The following TBX5 variants were observed in gnomAD, a reference collection of about 807,000 sequenced individuals.
TBX5 encodes the protein T-box transcription factor 5, also known as T-box transcription factor TBX5.
A neutral mutation model predicts 51.1 loss-of-function variants in TBX5; 8 were observed. The ratio of observed to expected loss-of-function variants is 0.16; its 90% CI spans 0.09 to 0.28. The LOEUF (loss-of-function observed/expected upper bound fraction) is 0.28, where lower values mean the gene tolerates loss of function less well. TBX5 is among the 10% of genes least tolerant of loss of function. The pLI, the probability that TBX5 is intolerant of heterozygous loss-of-function variation, is 1.00. For missense variants in TBX5, 589 were observed against 671.7 expected, an observed-to-expected ratio of 0.88 and a Z score of 1.36; for synonymous variants, 302 against 266.4, an observed-to-expected ratio of 1.13 and a Z score of -1.30.
chr12:114,378,906 G>C (rs1870354731), intron 7 of TBX5, among the ~76,000 whole-genome samples: 1 of 152,186 alleles, frequency 6.6e-6, no homozygotes, highest in Non-Finnish European at 1.5e-5. Flanking sequence ...TCAACCAAAA[G>C]AATGCAGCAG....
At chr12:114,401,805 C>T in intron 3 of TBX5, 21 bp downstream of exon 3, 1 of 1,613,000 alleles carries the variant, frequency 6.2e-7, no homozygotes, top group Non-Finnish European at 8.5e-7. Context: ...GTCCCTCTCT[C>T]TACACAACAA....
chr12:114,389,669 G>A (rs1038293711), intron 6 of TBX5, among the ~76,000 whole-genome samples: 17 of 141,496 alleles, frequency 1.2e-4, no homozygotes, highest in Non-Finnish European at 2.0e-4. Flanking sequence ...CAGGAGAATG[G>A]CGTGAACCCG....
chr12:114,371,878 G>T (rs12320320), intron 7 of TBX5, among the ~76,000 whole-genome samples: 4 of 152,042 alleles, frequency 2.6e-5, no homozygotes, highest in Non-Finnish European at 5.9e-5. Context: ...CACACCCAAG[G>T]CTGGATTTCG....
intron 5 of TBX5, among the ~76,000 whole-genome samples, chr12:114,395,975 T>A (rs1895603): frequency 7.9e-5 from 12 of 152,122 alleles, no homozygotes; most frequent in Non-Finnish European, 1.6e-4. Flanking sequence ...CCCACCGAAC[T>A]TGCGAATCGC....
intron 7 of TBX5, among the ~76,000 whole-genome samples, chr12:114,371,341 C>T (rs1171078423): frequency 2.0e-5 from 3 of 152,170 alleles, no homozygotes; most frequent in Non-Finnish European, 4.4e-5. Context: ...CACAGACCAG[C>T]TTCTCCCCAG....
At chr12:114,383,019 G>A (rs1429131143) in intron 7 of TBX5, among the ~76,000 whole-genome samples, 1 of 148,752 alleles carries the variant, frequency 6.7e-6, no homozygotes, top group Non-Finnish European at 1.5e-5. Context: ...AGACTCCCTT[G>A]ATGACTGACA....
chr12:114,388,823 A>G (rs1593869740), intron 6 of TBX5, among the ~76,000 whole-genome samples: 1 of 150,228 alleles, frequency 6.7e-6, no homozygotes, highest in Admixed American at 6.6e-5. Flanking sequence ...GGCTCAAGCA[A>G]TCCTCCAGCT....
chr12:114,398,812 G>A, intron 4 of TBX5, 92 bp from the exon 5 acceptor site: 1 of 1,470,884 alleles, frequency 6.8e-7, no homozygotes, highest in Non-Finnish European at 9.3e-7. Context: ...CACCAGGTGA[G>A]GGTTGTTGAG....
At chr12:114,390,787 T>C (rs965095322) in intron 6 of TBX5, among the ~76,000 whole-genome samples, 1 of 152,268 alleles carries the variant, frequency 6.6e-6, no homozygotes, top group Non-Finnish European at 1.5e-5. Flanking sequence ...CGTGACCTTT[T>C]TTTAACACCT....
At chr12:114,381,253 C>T (rs997521329) in intron 7 of TBX5, among the ~76,000 whole-genome samples, 33 of 152,158 alleles carry the variant, frequency 2.2e-4, no homozygotes, top group Admixed American at 1.9e-3. Context: ...CCACCTCACT[C>T]CCTTCTACCA....
intron 7 of TBX5, among the ~76,000 whole-genome samples, chr12:114,381,595 A>AG (rs1257193067): frequency 3.9e-5 from 6 of 152,196 alleles, no homozygotes; most frequent in African/African-American, 1.4e-4. Flanking sequence ...TAATTTTTAC[A>AG]GGAACCCTAG....
intron 7 of TBX5, among the ~76,000 whole-genome samples, chr12:114,381,001 T>A (rs1028921984): frequency 6.6e-6 from 1 of 152,164 alleles, no homozygotes; most frequent in African/African-American, 2.4e-5. Flanking sequence ...AGACAGGATG[T>A]TTAAATGACT....
At position 114,359,560 on chromosome 12, in the gene TBX5, C is replaced by T. The variant is rs7304247; in HGVS notation, c.983-3454G>A. 1.6e-3 allele frequency among the ~76,000 whole-genome samples: 238 copies of T among 152,260 alleles called. 1 individual carries two copies. The highest frequency in any genetic ancestry group is 5.3e-3 in the African/African-American group (219 of 41,534). On this transcript the variant is annotated intron_variant, in intron 8 of 8. Transcript: ENST00000405440. Reference sequence around the variant, plus strand: ...CAGTTATATTGCAACTATCCTAAACCGAAATGAGTCTCTTAGGTAACAGTA... The same window carrying T: ...CAGTTATATTGCAACTATCCTAAACTGAAATGAGTCTCTTAGGTAACAGTA...
chr12:114,356,222 A>C, intron 8 of TBX5, 116 bp from the exon 9 acceptor site: 2 of 1,010,020 alleles, frequency 2.0e-6, no homozygotes, highest in Non-Finnish European at 3.1e-6. Flanking sequence ...TGTTAGCCCT[A>C]ACCGCCATTC....
Position 114,399,505 on chromosome 12 carries a change from G to A in TBX5, c.362+8C>T. The A allele has an allele frequency of 6.2e-7, 1 of 1,613,904 alleles. No individual in the cohort carries two copies. The highest frequency in any genetic ancestry group is 8.5e-7 in the Non-Finnish European group (1 of 1,179,966). On this transcript the variant is annotated splice_region_variant and intron_variant, in intron 4 of 8. Transcript: ENST00000405440. ...TCTCCCCGCTCCACCTGCCACCCCAGTGCCTACCATTTATTATCTGCGAAT... is the reference window on the plus strand; with the variant it reads ...TCTCCCCGCTCCACCTGCCACCCCAATGCCTACCATTTATTATCTGCGAAT...
In TBX5 at chr12:114,403,786, G is replaced by C; in HGVS notation, c.113C>G (p.Ser38Cys). The change falls in exon 2 of 9, where the codon TCC becomes TGC. Residue 38 changes from serine to cysteine, a missense_variant. This residue lies in a region of TBX5 where 101 missense variants were observed against 83.3 expected (regional missense o/e 1.21). Coordinates refer to ENST00000405440, the MANE Select transcript of TBX5 (RefSeq NM_181486.4). ...GAAGGCGGCCTGCGGGGACGACGGG[G>C]ACTTGCTGGGGGCCCCGAGCGCGCT... is the stretch of plus-strand genomic sequence containing the variant. ...PESALGAPSK[S>C]PSSPQAAFTQ... The C allele has an allele frequency of 3.1e-6, 5 of 1,613,968 alleles. No homozygotes were observed. Among genetic ancestry groups the C allele is most frequent in the Non-Finnish European group, 3.4e-6 (4 of 1,180,014 alleles).
intron 7 of TBX5, among the ~76,000 whole-genome samples, chr12:114,370,795 A>C (rs113064905): frequency 2.6e-5 from 4 of 151,878 alleles, no homozygotes; most frequent in Non-Finnish European, 5.9e-5. Flanking sequence ...CATTTTAAAA[A>C]TTTTTTTGTT....
intron 2 of TBX5, 121 bp downstream of exon 2, chr12:114,403,631 G>C: frequency 1.4e-6 from 2 of 1,406,948 alleles, no homozygotes; most frequent in East Asian, 4.6e-5. Context: ...TATAGTCGTT[G>C]GGTTCGTTTT....
chr12:114,359,699 A>G (rs1869127856), intron 8 of TBX5, among the ~76,000 whole-genome samples: 1 of 152,228 alleles, frequency 6.6e-6, no homozygotes, highest in African/African-American at 2.4e-5. Flanking sequence ...TAATGCATCC[A>G]AGGCACAGAT....
Sources: gnomAD v4.1 joint callset for allele counts (sites outside exome capture counted in the v4.1 genomes callset) on GRCh38, gnomAD v4.1.1 for gene constraint, gnomAD v4.1.1 regional missense constraint, MANE v1.5 for transcripts, NCBI Gene and HGNC (gene_info 2026-07-23, HGNC 2026-07-21) for gene names.